Variants in SNX14 observed in about 807,000 individuals in gnomAD.
The protein encoded by SNX14 is sorting nexin 14.
A neutral mutation model predicts 133.8 loss-of-function variants in SNX14; 93 were observed. That is an observed-to-expected ratio of 0.70 (90% confidence interval 0.59 to 0.83). SNX14 has a LOEUF of 0.83. Ranked by LOEUF, SNX14 falls within the 40% of genes least tolerant of loss-of-function variation. The probability of loss-of-function intolerance (pLI) is 0.00; values close to 1 mark genes in which losing one functional copy is unlikely to be tolerated. For synonymous variants in SNX14, 368 were observed against 365.6 expected, an observed-to-expected ratio of 1.01 and a Z score of -0.07; for missense variants, 945 against 1,094.9, an observed-to-expected ratio of 0.86 and a Z score of 1.93.
chr6:85,528,652 G>A (rs1354860631), intron 19 of SNX14, among the ~76,000 whole-genome samples: 1 of 152,096 alleles, frequency 6.6e-6, no homozygotes. Context: ...ATTATTATGA[G>A]ATTTTTTTGA....
rs879573023 is a variant in SNX14, at chr6:85,513,825, A to C, written c.2628T>G (p.Phe876Leu). The change falls in exon 26 of 29, where the codon TTT (phenylalanine) becomes TTG (leucine). Residue 876 changes from phenylalanine to leucine, a missense_variant. Phe to Leu is a conservative substitution (Grantham distance 22). This residue lies in a region of SNX14 where 412 missense variants were observed against 516.6 expected (regional missense o/e 0.80). Coordinates refer to ENST00000314673, the MANE Select transcript of SNX14 (RefSeq NM_153816.6). ...QDKQKGAKQTFEEMMNYIPDL... is the reference protein window; with the variant it reads ...QDKQKGAKQTLEEMMNYIPDL... ...CTGGAATGTAATTCATCATTTCTTCAAAAGTCTGTTTTGCTCCTTTTTGCT... is the reference window on the plus strand; with the variant it reads ...CTGGAATGTAATTCATCATTTCTTCCAAAGTCTGTTTTGCTCCTTTTTGCT... The C allele has an allele frequency of 6.2e-7, 1 of 1,612,494 alleles. No homozygotes were observed. The highest frequency in any genetic ancestry group is 1.7e-4 in the Middle Eastern group (1 of 6,054).
At chr6:85,591,180 G>C (rs181792048) in intron 1 of SNX14, among the ~76,000 whole-genome samples, 1 of 151,300 alleles carries the variant, frequency 6.6e-6, no homozygotes, top group Non-Finnish European at 1.5e-5. Flanking sequence ...AAGGGCCCAT[G>C]TTTTCTTGTA....
At chr6:85,593,435 C>G in intron 1 of SNX14, 144 bp downstream of exon 1, 4 of 1,309,504 alleles carry the variant, frequency 3.1e-6, no homozygotes, top group Non-Finnish European at 2.0e-6. Flanking sequence ...CCGTGCTCCC[C>G]GAGGCCGCTC....
rs1054204574 is a variant in SNX14 at position 85,578,499 on chromosome 6, G to A, written c.141-4121C>T. 2.6e-5 allele frequency among the ~76,000 whole-genome samples: 4 copies of A among 152,186 alleles called. No individual in the cohort carries two copies. In the South Asian group the frequency reaches 8.3e-4, roughly 32 times the overall value. ...TGAGGCTGAAGACAATGAACTTTCAGTTGTGGGATCTTTTCCAGCAGCATT... is the reference window on the plus strand; with the variant it reads ...TGAGGCTGAAGACAATGAACTTTCAATTGTGGGATCTTTTCCAGCAGCATT... On this transcript the variant is annotated intron_variant, in intron 1 of 28. Transcript: ENST00000314673.
chr6:85,514,622 T>C lies in SNX14; in HGVS notation c.2276A>G (p.Asn759Ser), dbSNP rs1454802336. ...PTSENNKKLF[N>S]DLFKNNANRA... ...GTTTGCATTATTTTTAAACAGATCATTGAAAAGCTAAAATAAAAGTTGGAA... is the reference window on the plus strand; with the variant it reads ...GTTTGCATTATTTTTAAACAGATCACTGAAAAGCTAAAATAAAAGTTGGAA... The change falls in exon 24 of 29, where the codon AAT becomes AGT. Residue 759 changes from asparagine to serine, a missense_variant. This residue lies in a region of SNX14 where 412 missense variants were observed against 516.6 expected (regional missense o/e 0.80). Coordinates refer to ENST00000314673, the MANE Select transcript of SNX14 (RefSeq NM_153816.6). The C allele has an allele frequency of 2.5e-6, 4 of 1,610,086 alleles. No homozygotes were observed. The highest frequency in any genetic ancestry group is 2.7e-5 in the African/African-American group (2 of 74,814).
rs142442689 is a variant in SNX14, at chr6:85,545,435, CAGAT to C, written c.1108+1673_1108+1676del. Among the ~76,000 whole-genome samples the C allele has an allele frequency of 1.5e-3, 235 of 151,888 alleles. 3 individuals carry two copies. In the East Asian group the frequency reaches 0.041, roughly 27 times the overall value. ...CTAGAAATACATTAAACATTTCAAT[CAGAT>C]AGAAAAAGATATACAAATGAACACT... On this transcript the variant is annotated intron_variant, in intron 12 of 28. Transcript: ENST00000314673.
chr6:85,515,457 T>A (rs775485150), intron 23 of SNX14, among the ~76,000 whole-genome samples: 25 of 146,626 alleles, frequency 1.7e-4, no homozygotes, highest in African/African-American at 6.3e-4. Flanking sequence ...AGCCAGAGAT[T>A]GCACCACTGC....
At chr6:85,534,834 T>TTC (rs1436593797) in intron 17 of SNX14, among the ~76,000 whole-genome samples, 1 of 150,594 alleles carries the variant, frequency 6.6e-6, no homozygotes, top group African/African-American at 2.4e-5. Context: ...AGGGAAAGTT[T>TTC]TTTTTTTTTT....
chr6:85,563,693 G>C (rs1231646122), intron 6 of SNX14, among the ~76,000 whole-genome samples: 2 of 151,798 alleles, frequency 1.3e-5, no homozygotes, highest in East Asian at 3.9e-4. Flanking sequence ...GCGCCTGGCT[G>C]AGAAAAATAT....
chr6:85,540,358 C>G (rs1034733153), intron 15 of SNX14, among the ~76,000 whole-genome samples: 1 of 152,176 alleles, frequency 6.6e-6, no homozygotes, highest in African/African-American at 2.4e-5. Context: ...GTATGAAACT[C>G]CAAACATCTT....
chr6:85,519,166 T>C (rs1222174973), intron 21 of SNX14, among the ~76,000 whole-genome samples: 1 of 152,212 alleles, frequency 6.6e-6, no homozygotes, highest in Non-Finnish European at 1.5e-5. Context: ...CCAAATATTT[T>C]GTCCTCACTT....
chr6:85,569,516 AC>A (rs1794927092), intron 4 of SNX14, among the ~76,000 whole-genome samples: 1 of 152,162 alleles, frequency 6.6e-6, no homozygotes, highest in Non-Finnish European at 1.5e-5. Context: ...CTCCCAGTGT[AC>A]CCTATGAGTC....
At position 85,505,849 on chromosome 6, in the gene SNX14, C is replaced by T. The variant is rs1770437128; in HGVS notation, c.*118G>A. 1.5e-6 allele frequency: 1 copy of T among 679,630 alleles called. No homozygotes were observed. Among genetic ancestry groups the T allele is most frequent in the East Asian group, 2.8e-5 (1 of 35,420 alleles). 42.1% of individuals were successfully genotyped at this position (679,630 alleles called of 1,614,324 possible). A position where few individuals can be genotyped will look rare whatever the true frequency, so the allele number is the denominator to read the frequency against. ...AGTCTTTATTAAAAACAAAAAATAA[C>T]TAAAATTTCAGACAGCGATGTACAT... On this transcript the variant is annotated 3_prime_UTR_variant, in exon 29 of 29. Transcript: ENST00000314673.
chr6:85,576,127 C>G (rs1797256757), intron 1 of SNX14, among the ~76,000 whole-genome samples: 1 of 151,986 alleles, frequency 6.6e-6, no homozygotes, highest in Non-Finnish European at 1.5e-5. Context: ...TGACTGAAAC[C>G]ATTTTGCACA....
chr6:85,536,710 A>C (rs1782062901), intron 17 of SNX14, 82 bp downstream of exon 17: 3 of 1,369,652 alleles, frequency 2.2e-6, no homozygotes, highest in Non-Finnish European at 2.0e-6. Context: ...CTCCAAAAAA[A>C]GGAAAATAAT....
rs781500395 is a variant in SNX14 at position 85,572,387 on chromosome 6, A to G, written c.262-13T>C. On this transcript the variant is annotated splice_polypyrimidine_tract_variant and intron_variant, in intron 2 of 28. Transcript: ENST00000314673. The stretch of plus-strand genomic sequence containing the variant: ...GAAGTCCTAACTGCTAAAAAAGGAA[A>G]ATGAGAGGTGGTGGGGAGATCCATC... 12 of 1,598,318 alleles carry G rather than the reference A, an allele frequency of 7.5e-6. 1 individual carries two copies. The South Asian group carries it at 1.3e-4, about 18-fold the overall frequency.
intron 15 of SNX14, among the ~76,000 whole-genome samples, chr6:85,540,015 G>A (rs913531486): frequency 2.1e-5 from 3 of 143,262 alleles, no homozygotes; most frequent in Admixed American, 7.2e-5. Flanking sequence ...AGGCTGGAGT[G>A]CAGTGGTGCA....
At chr6:85,533,223 T>C (rs981651336) in intron 18 of SNX14, among the ~76,000 whole-genome samples, 1 of 152,142 alleles carries the variant, frequency 6.6e-6, no homozygotes, top group Non-Finnish European at 1.5e-5. Flanking sequence ...ACAAAATGGG[T>C]GAGAGAAAAC....
rs552768172 is a variant in SNX14 at position 85,579,057 on chromosome 6, G to T, written c.141-4679C>A. On this transcript the variant is annotated intron_variant, in intron 1 of 28. Coordinates refer to ENST00000314673, the MANE Select transcript of SNX14 (RefSeq NM_153816.6). ...GGAGGCTGAGGCAGAAGAATCATTTGAACCCAGGAGGCAGAAGTTGCAGTG... is the reference window on the plus strand; with the variant it reads ...GGAGGCTGAGGCAGAAGAATCATTTTAACCCAGGAGGCAGAAGTTGCAGTG... 5.9e-5 allele frequency among the ~76,000 whole-genome samples: 9 copies of T among 152,080 alleles called. No homozygotes were observed. The South Asian group carries it at 1.7e-3, about 28-fold the overall frequency.
Sources: gnomAD v4.1 joint callset for allele counts (sites outside exome capture counted in the v4.1 genomes callset) on GRCh38, gnomAD v4.1.1 for gene constraint, gnomAD v4.1.1 regional missense constraint, MANE v1.5 for transcripts, NCBI Gene and HGNC (gene_info 2026-07-23, HGNC 2026-07-21) for gene names.